The following ZNF892 variants were observed in gnomAD, a reference collection of about 807,000 sequenced individuals.
The protein encoded by ZNF892 is zinc finger protein 570-like.
the ZNF892 span, among the ~76,000 whole-genome samples, chr2:95,247,468 T>G: frequency 6.6e-6 from 1 of 151,990 alleles, no homozygotes. Flanking sequence ...TATGATTAAG[T>G]TCTTAAAAGC....
chr2:95,240,101 G>A, the ZNF892 span, among the ~76,000 whole-genome samples: 78 of 151,690 alleles, frequency 5.1e-4, no homozygotes, highest in African/African-American at 1.9e-3. Context: ...GGGAAATTCC[G>A]AAGTTAGTTC....
the ZNF892 span, among the ~76,000 whole-genome samples, chr2:95,216,303 A>C: frequency 6.6e-6 from 1 of 152,132 alleles, no homozygotes; most frequent in African/African-American, 2.4e-5. Flanking sequence ...TGTCTTTTAG[A>C]CCTTGCTTAT....
At chr2:95,228,734 G>A in the ZNF892 span, among the ~76,000 whole-genome samples, 8 of 152,036 alleles carry the variant, frequency 5.3e-5, no homozygotes, top group African/African-American at 1.7e-4. Flanking sequence ...CATGAAAAGA[G>A]GAGCTTTCTA....
At chr2:95,243,502 G>A in the ZNF892 span, among the ~76,000 whole-genome samples, 83 of 146,990 alleles carry the variant, frequency 5.6e-4, no homozygotes, top group African/African-American at 1.8e-3. Flanking sequence ...CTGCCCTGCC[G>A]CCCCGTCCGG....
At chr2:95,243,389 C>G in the ZNF892 span, among the ~76,000 whole-genome samples, 1 of 151,548 alleles carries the variant, frequency 6.6e-6, no homozygotes, top group Admixed American at 6.6e-5. Flanking sequence ...GGCCGCCATC[C>G]CATCTAGGAA....
the ZNF892 span, among the ~76,000 whole-genome samples, chr2:95,231,402 C>G: frequency 6.6e-6 from 1 of 152,266 alleles, no homozygotes; most frequent in Non-Finnish European, 1.5e-5. Flanking sequence ...GGGGGACTGC[C>G]TGGGAAGGGG....
At chr2:95,256,183 T>A in the ZNF892 span, among the ~76,000 whole-genome samples, 1 of 152,200 alleles carries the variant, frequency 6.6e-6, no homozygotes, top group Non-Finnish European at 1.5e-5. Flanking sequence ...TCTTTACAAT[T>A]TGGGATGTTT....
At chr2:95,215,108 G>A in the ZNF892 span, 1 of 499,746 alleles carries the variant, frequency 2.0e-6, no homozygotes, top group Non-Finnish European at 3.6e-6. Flanking sequence ...ACACTGGAGA[G>A]AAACCTTATA....
At chr2:95,248,093 C>A in the ZNF892 span, among the ~76,000 whole-genome samples, 1 of 152,120 alleles carries the variant, frequency 6.6e-6, no homozygotes, top group South Asian at 2.1e-4. Context: ...AGACTAGGTG[C>A]CTATCAACAG....
the ZNF892 span, among the ~76,000 whole-genome samples, chr2:95,235,547 G>C: frequency 2.0e-5 from 3 of 152,084 alleles, no homozygotes; most frequent in Admixed American, 1.3e-4. Flanking sequence ...ATTTTTACTA[G>C]AGACAGGGTT....
the ZNF892 span, among the ~76,000 whole-genome samples, chr2:95,221,001 CATATG>C: frequency 3.3e-5 from 5 of 152,120 alleles, no homozygotes; most frequent in Non-Finnish European, 5.9e-5. Context: ...TGCCATATGA[CATATG>C]ATATCATAGA....
the ZNF892 span, among the ~76,000 whole-genome samples, chr2:95,246,169 A>C: frequency 6.6e-6 from 1 of 152,338 alleles, no homozygotes; most frequent in East Asian, 1.9e-4. Flanking sequence ...TATCCACGAC[A>C]ATCAAGTTGG....
At chr2:95,207,165 C>A in the ZNF892 span, among the ~76,000 whole-genome samples, 1 of 152,238 alleles carries the variant, frequency 6.6e-6, no homozygotes, top group Non-Finnish European at 1.5e-5. Flanking sequence ...TGCATGGAGG[C>A]GCAGCAGCGA....
chr2:95,235,070 T>C, the ZNF892 span, among the ~76,000 whole-genome samples: 2 of 152,178 alleles, frequency 1.3e-5, no homozygotes, highest in Non-Finnish European at 2.9e-5. Flanking sequence ...ATTGCTTGCT[T>C]GGCATGTGGG....
chr2:95,212,086 G>T, the ZNF892 span: 47 of 397,050 alleles, frequency 1.2e-4, 1 homozygote, highest in East Asian at 1.7e-3. Flanking sequence ...TGTTGAGGAA[G>T]AAATGGAGAA....
the ZNF892 span, among the ~76,000 whole-genome samples, chr2:95,263,113 GAGTC>G: frequency 3.3e-5 from 5 of 152,356 alleles, no homozygotes; most frequent in South Asian, 2.1e-4. Context: ...GGAAGCAGAT[GAGTC>G]AGTCAGAGAG....
the ZNF892 span, among the ~76,000 whole-genome samples, chr2:95,244,551 A>G: frequency 6.6e-6 from 1 of 152,196 alleles, no homozygotes; most frequent in African/African-American, 2.4e-5. Flanking sequence ...GCAAGTTCTT[A>G]GAGACCTACA....
the ZNF892 span, among the ~76,000 whole-genome samples, chr2:95,263,370 C>T: frequency 6.6e-6 from 1 of 152,186 alleles, no homozygotes; most frequent in East Asian, 1.9e-4. Context: ...GAGGAACCAG[C>T]CGAGCTACCC....
chr2:95,252,906 A>G, the ZNF892 span, among the ~76,000 whole-genome samples: 1 of 152,158 alleles, frequency 6.6e-6, no homozygotes, highest in African/African-American at 2.4e-5. Context: ...GTCTGCTCAT[A>G]TCCTTCGCCC....
Sources: gnomAD v4.1 joint callset for allele counts (sites outside exome capture counted in the v4.1 genomes callset) on GRCh38, gnomAD v4.1.1 for gene constraint, MANE v1.5 for transcripts, NCBI Gene and HGNC (gene_info 2026-07-23, HGNC 2026-07-21) for gene names.